Variants in SEMA3A observed in about 807,000 individuals in gnomAD.
SEMA3A encodes the protein semaphorin-3A.
SEMA3A carries 29 observed loss-of-function variants against 97.9 expected under a neutral mutation model. That is an observed-to-expected ratio of 0.30 (90% CI 0.22 to 0.40). The LOEUF (loss-of-function observed/expected upper bound fraction) is 0.40. Among genes scored for constraint, SEMA3A ranks in the 10% least tolerant of loss-of-function variants. SEMA3A has a pLI of 1.00. For synonymous variants in SEMA3A, 321 were observed against 323.7 expected, an observed-to-expected ratio of 0.99 and a Z score of 0.09; for missense variants, 763 against 951.3, an observed-to-expected ratio of 0.80 and a Z score of 2.60.
intron 3 of SEMA3A, among the ~76,000 whole-genome samples, chr7:84,128,573 T>C (rs1034855656): frequency 4.6e-5 from 7 of 152,178 alleles, no homozygotes; most frequent in African/African-American, 1.7e-4. Flanking sequence ...TATTTTTACA[T>C]ACATTCTATA....
intron 3 of SEMA3A, among the ~76,000 whole-genome samples, chr7:84,216,062 A>G (rs1374136279): frequency 6.6e-6 from 1 of 152,182 alleles, no homozygotes; most frequent in African/African-American, 2.4e-5. Flanking sequence ...GTAGTAAAAA[A>G]TAATCTATCC....
chr7:84,225,904 A>C (rs1798979512), intron 3 of SEMA3A, among the ~76,000 whole-genome samples: 1 of 152,152 alleles, frequency 6.6e-6, no homozygotes, highest in African/African-American at 2.4e-5. Flanking sequence ...ATTTCAGAGA[A>C]GCACTTAAAC....
chr7:84,386,864 G>A (rs1803410419), intron 1 of SEMA3A, among the ~76,000 whole-genome samples: 1 of 152,052 alleles, frequency 6.6e-6, no homozygotes, highest in Non-Finnish European at 1.5e-5. Context: ...GCCAGGCACA[G>A]TGGCATTTGC....
chr7:84,251,925 G>A (rs1244796937), intron 3 of SEMA3A, among the ~76,000 whole-genome samples: 6 of 151,982 alleles, frequency 3.9e-5, no homozygotes, highest in African/African-American at 9.7e-5. Flanking sequence ...AAACAATTGC[G>A]GAGAACATAT....
At chr7:84,367,947 T>C (rs1227954490) in intron 2 of SEMA3A, among the ~76,000 whole-genome samples, 3 of 151,212 alleles carry the variant, frequency 2.0e-5, no homozygotes, top group Admixed American at 6.6e-5. Context: ...ACACATTCAG[T>C]AAATACATAA....
chr7:84,094,701 TAACAACTAA>T (rs1794702296), intron 4 of SEMA3A, among the ~76,000 whole-genome samples: 1 of 152,086 alleles, frequency 6.6e-6, no homozygotes, highest in South Asian at 2.1e-4. Flanking sequence ...CCACCACCGC[TAACAACTAA>T]AACACACTTT....
chr7:83,984,134 A>C (rs2116326247), intron 13 of SEMA3A, among the ~76,000 whole-genome samples: 1 of 152,272 alleles, frequency 6.6e-6, no homozygotes, highest in East Asian at 1.9e-4. Context: ...AATGGTTTAC[A>C]AAAATAGACG....
At chr7:84,205,113 A>C (rs1321770001) in intron 3 of SEMA3A, among the ~76,000 whole-genome samples, 2 of 152,230 alleles carry the variant, frequency 1.3e-5, no homozygotes. Flanking sequence ...TTATTTTCCC[A>C]GATAAGTGTC....
At chr7:83,984,224 A>G (rs1789537958) in intron 13 of SEMA3A, among the ~76,000 whole-genome samples, 1 of 152,144 alleles carries the variant, frequency 6.6e-6, no homozygotes, top group South Asian at 2.1e-4. Context: ...ACAGGAAAGA[A>G]TATCCCAGTC....
At chr7:84,303,854 G>T (rs1012808160) in intron 3 of SEMA3A, among the ~76,000 whole-genome samples, 10 of 152,142 alleles carry the variant, frequency 6.6e-5, no homozygotes, top group African/African-American at 2.4e-4. Context: ...TGTTTGGTAG[G>T]TTAGTTGTAT....
chr7:84,349,503 G>T (rs1214533744), intron 2 of SEMA3A, among the ~76,000 whole-genome samples: 2 of 152,150 alleles, frequency 1.3e-5, no homozygotes, highest in African/African-American at 4.8e-5. Context: ...GTAATGTGGG[G>T]TTGTGAGCAA....
At chr7:84,389,724 C>A (rs768234052) in intron 1 of SEMA3A, among the ~76,000 whole-genome samples, 4 of 151,150 alleles carry the variant, frequency 2.6e-5, no homozygotes, top group Admixed American at 6.6e-5. Context: ...ACATTAATTA[C>A]GTACTTGAAT....
intron 1 of SEMA3A, among the ~76,000 whole-genome samples, chr7:84,394,143 T>C (rs55920699): frequency 0.11 from 17,024 of 150,526 alleles, 1,197 homozygotes; most frequent in East Asian, 0.29. Context: ...TTAGGAAAAA[T>C]AGCAGATAAA....
chr7:84,345,652 C>G (rs1802281576), intron 2 of SEMA3A, among the ~76,000 whole-genome samples: 1 of 152,190 alleles, frequency 6.6e-6, no homozygotes, highest in Non-Finnish European at 1.5e-5. Context: ...CCATAAGAAG[C>G]AACTCCTTAT....
At chr7:84,267,563 T>C (rs1051395462) in intron 3 of SEMA3A, among the ~76,000 whole-genome samples, 2 of 152,114 alleles carry the variant, frequency 1.3e-5, no homozygotes, top group South Asian at 4.1e-4. Flanking sequence ...TCTGTGCACA[T>C]GTAGGCCTAT....
At chr7:84,374,731 T>C (rs917874101) in intron 1 of SEMA3A, among the ~76,000 whole-genome samples, 3 of 152,234 alleles carry the variant, frequency 2.0e-5, no homozygotes, top group African/African-American at 4.8e-5. Context: ...AAGCTTCTAA[T>C]AATATAATTG....
chr7:84,445,493 C>CAAAAAAAAAAAAAAAAAAAAAAAAAAA lies in SEMA3A; in HGVS notation c.-246+46940_-246+46966dup, dbSNP rs61298477. 8.3e-4 allele frequency among the ~76,000 whole-genome samples: 23 copies of CAAAAAAAAAAAAAAAAAAAAAAAAAAA among 27,584 alleles called. 1 individual carries two copies. The highest frequency in any genetic ancestry group is 1.1e-3 in the Non-Finnish European group (14 of 12,682). The allele number at this position is 27,584 out of a possible 152,430, so 18.1% of individuals were successfully genotyped here. ...TGGGCGACAGAGTGAGACTCCATCTCAAAAAAAAAAAAAAAAAAAAAAAAA... is the reference window on the plus strand; with the variant it reads ...TGGGCGACAGAGTGAGACTCCATCTCAAAAAAAAAAAAAAAAAAAAAAAAAAAAAAAAAAAAAAAAAAAAAAAAAAAA... On this transcript the variant is annotated intron_variant, in intron 1 of 3. Transcript: ENST00000424555.
chr7:84,101,802 T>C (rs1426070911), intron 4 of SEMA3A, among the ~76,000 whole-genome samples: 1 of 152,148 alleles, frequency 6.6e-6, no homozygotes, highest in Non-Finnish European at 1.5e-5. Context: ...CGGGAGCTAC[T>C]AGTCAAATGA....
intron 2 of SEMA3A, among the ~76,000 whole-genome samples, chr7:84,309,260 A>G (rs1175304137): frequency 1.3e-5 from 2 of 152,200 alleles, no homozygotes; most frequent in Non-Finnish European, 2.9e-5. Context: ...AAGAGTATCC[A>G]GAGACAGAGA....
Sources: gnomAD v4.1 joint callset for allele counts (sites outside exome capture counted in the v4.1 genomes callset) on GRCh38, gnomAD v4.1.1 for gene constraint, MANE v1.5 for transcripts, NCBI Gene and HGNC (gene_info 2026-07-23, HGNC 2026-07-21) for gene names.